The following AGPAT5 variants were observed in gnomAD, a reference collection of about 807,000 sequenced individuals.
AGPAT5 encodes 1-acylglycerol-3-phosphate O-acyltransferase 5.
In AGPAT5, 46 loss-of-function variants were observed where a neutral mutation model predicts 45.6. The ratio of observed to expected loss-of-function variants is 1.01; its 90% CI spans 0.80 to 1.29. AGPAT5 has a LOEUF of 1.29. Among genes scored for constraint, AGPAT5 ranks in the 50% most tolerant of loss-of-function variants. AGPAT5 has a pLI of 0.00. For missense variants in AGPAT5, 673 were observed against 450.7 expected (o/e 1.49, Z -4.47); for synonymous variants, 272 against 167.0 (o/e 1.63, Z -4.85).
chr8:6,718,896 T>C (rs558205222), intron 1 of AGPAT5, among the ~76,000 whole-genome samples: 1 of 152,314 alleles, frequency 6.6e-6, no homozygotes, highest in African/African-American at 2.4e-5. Flanking sequence ...GTTAATTACC[T>C]AAACACAGCA....
At chr8:6,727,154 T>G (rs1036668923) in intron 2 of AGPAT5, among the ~76,000 whole-genome samples, 1 of 152,176 alleles carries the variant, frequency 6.6e-6, no homozygotes, top group Admixed American at 6.5e-5. Context: ...CTGCTTAGAC[T>G]TTCTAGTTTG....
At chr8:6,726,044 G>C (rs1800676030) in intron 2 of AGPAT5, among the ~76,000 whole-genome samples, 1 of 152,198 alleles carries the variant, frequency 6.6e-6, no homozygotes, top group African/African-American at 2.4e-5. Flanking sequence ...GGGGTTGATA[G>C]GAATCTTGAT....
At position 6,758,202 on chromosome 8, in the gene AGPAT5, T is replaced by C. The variant is rs1304849087; in HGVS notation, c.*814T>C. 2 of 152,638 alleles carry C rather than the reference T, an allele frequency of 1.3e-5. No homozygotes were observed. Among genetic ancestry groups the C allele is most frequent in the Non-Finnish European group, 2.9e-5 (2 of 68,038 alleles). The allele number at this position is 152,638 out of a possible 1,614,324, so 9.5% of individuals were successfully genotyped here. A position where few individuals can be genotyped will look rare whatever the true frequency, so the allele number is the denominator to read the frequency against. ...CTTGAAAACGTTAAGGTTTTCTGTT[T>C]TGTTTTGTTTTTTTAATATCAAAAG... On this transcript the variant is annotated 3_prime_UTR_variant, in exon 8 of 8. Transcript: ENST00000285518.
chr8:6,744,230 A>G (rs1389811547), intron 5 of AGPAT5, among the ~76,000 whole-genome samples: 1 of 152,222 alleles, frequency 6.6e-6, no homozygotes, highest in East Asian at 1.9e-4. Context: ...ACTTGAACAA[A>G]TGTTTATTCT....
At chr8:6,712,397 A>G (rs1800183657) in intron 1 of AGPAT5, among the ~76,000 whole-genome samples, 1 of 152,040 alleles carries the variant, frequency 6.6e-6, no homozygotes, top group Non-Finnish European at 1.5e-5. Flanking sequence ...TATGGAAATA[A>G]CTGAAATCCT....
intron 3 of AGPAT5, among the ~76,000 whole-genome samples, chr8:6,731,846 G>A (rs1348420730): frequency 2.6e-5 from 4 of 152,058 alleles, no homozygotes; most frequent in African/African-American, 9.7e-5. Flanking sequence ...TTCTCCCAAG[G>A]CCTCTCTCCC....
At chr8:6,740,102 GTGAA>G (rs1249514202) in intron 4 of AGPAT5, among the ~76,000 whole-genome samples, 1 of 152,090 alleles carries the variant, frequency 6.6e-6, no homozygotes, top group Non-Finnish European at 1.5e-5. Flanking sequence ...TGAATTAGCT[GTGAA>G]TGAATTCATG....
intron 1 of AGPAT5, among the ~76,000 whole-genome samples, chr8:6,724,595 A>G (rs1010515864): frequency 1.3e-5 from 2 of 152,164 alleles, no homozygotes; most frequent in Admixed American, 6.5e-5. Flanking sequence ...AGTGTTTTAT[A>G]TATTGTTAGC....
chr8:6,741,167 G>C (rs986682148), intron 4 of AGPAT5, among the ~76,000 whole-genome samples: 1 of 152,096 alleles, frequency 6.6e-6, no homozygotes, highest in Non-Finnish European at 1.5e-5. Context: ...TAGGAATTCT[G>C]TGTGAAGCTT....
Position 6,757,515 on chromosome 8 carries a change from T to G in AGPAT5, c.*127T>G, listed in dbSNP as rs2116974072. ...AAAGCCTTGTTGATTGAAGATTGGATAATAGAATTTGTGACGAAAGCTGAT... is the reference window on the plus strand; with the variant it reads ...AAAGCCTTGTTGATTGAAGATTGGAGAATAGAATTTGTGACGAAAGCTGAT... On this transcript the variant is annotated 3_prime_UTR_variant, in exon 8 of 8. Transcript: ENST00000285518. The G allele has an allele frequency of 1.3e-6, 1 of 747,910 alleles. No individual in the cohort carries two copies. Among genetic ancestry groups the G allele is most frequent in the East Asian group, 2.7e-5 (1 of 37,534 alleles). The allele number at this position is 747,910 out of a possible 1,614,324, so 46.3% of individuals were successfully genotyped here.
intron 5 of AGPAT5, among the ~76,000 whole-genome samples, chr8:6,743,785 A>C (rs1459085665): frequency 1.3e-5 from 2 of 149,336 alleles, no homozygotes; most frequent in African/African-American, 4.9e-5. Flanking sequence ...TTTTTTTTTT[A>C]ATTGCCATGG....
At chr8:6,725,327 A>G (rs372483353) in intron 2 of AGPAT5, among the ~76,000 whole-genome samples, 67 of 152,326 alleles carry the variant, frequency 4.4e-4, no homozygotes, top group African/African-American at 1.4e-3. Context: ...CTGTATTGGT[A>G]TGTAAGTACT....
intron 5 of AGPAT5, among the ~76,000 whole-genome samples, chr8:6,743,641 G>A (rs1029811484): frequency 7.9e-5 from 12 of 152,148 alleles, no homozygotes; most frequent in African/African-American, 2.4e-4. Flanking sequence ...TCAGCTGTTC[G>A]AAGGGTTTTG....
chr8:6,719,627 T>C (rs1800438194), intron 1 of AGPAT5, among the ~76,000 whole-genome samples: 1 of 152,224 alleles, frequency 6.6e-6, no homozygotes, highest in Admixed American at 6.5e-5. Context: ...TCGGGAATCA[T>C]CACTATTACA....
intron 1 of AGPAT5, among the ~76,000 whole-genome samples, chr8:6,712,996 G>A (rs1015673466): frequency 6.6e-6 from 1 of 152,272 alleles, no homozygotes; most frequent in East Asian, 1.9e-4. Context: ...AATAGATTGG[G>A]GTTTGGGTTT....
chr8:6,731,299 T>G (rs959784085), intron 3 of AGPAT5, among the ~76,000 whole-genome samples: 1 of 152,212 alleles, frequency 6.6e-6, no homozygotes, highest in African/African-American at 2.4e-5. Flanking sequence ...ATACGTCTGA[T>G]TATCCATATG....
In AGPAT5 at chr8:6,747,760, A is replaced by T. The variant is rs1801525084; in HGVS notation, c.677A>T (p.Tyr226Phe). 1 of 1,614,110 alleles carries T rather than the reference A, an allele frequency of 6.2e-7. No homozygotes were observed. Among genetic ancestry groups the T allele is most frequent in the Non-Finnish European group, 8.5e-7 (1 of 1,180,036 alleles). Residue 226 changes from tyrosine to phenylalanine, a missense_variant, in exon 6 of 8, where the codon TAT becomes TTT. By Grantham distance (22) the Tyr-to-Phe change is conservative (BLOSUM62 3). Transcript: ENST00000285518. ...ATGAAGAATTATTTAGATGCAATTT[A>T]TGATGTTACGGTGGTTTATGAAGGG... ...DCMKNYLDAI[Y>F]DVTVVYEGKD...
At chr8:6,712,945 T>C (rs767001622) in intron 1 of AGPAT5, among the ~76,000 whole-genome samples, 1 of 152,186 alleles carries the variant, frequency 6.6e-6, no homozygotes, top group Non-Finnish European at 1.5e-5. Context: ...CACTGAAAAC[T>C]GATCATTGAA....
chr8:6,758,740 T>C lies in AGPAT5; in HGVS notation c.*1352T>C. The C allele has an allele frequency of 6.5e-6, 1 of 152,782 alleles. No individual in the cohort carries two copies. The allele number at this position is 152,782 out of a possible 1,614,324, so 9.5% of individuals were successfully genotyped here. ...ATCACGATTTTTAGCCATGGAACAATATATCCCATGGGAGAAGACCTTTCA... is the reference window on the plus strand; with the variant it reads ...ATCACGATTTTTAGCCATGGAACAACATATCCCATGGGAGAAGACCTTTCA... On this transcript the variant is annotated 3_prime_UTR_variant, in exon 8 of 8. Coordinates refer to ENST00000285518, the MANE Select transcript of AGPAT5 (RefSeq NM_018361.5).
Sources: allele counts gnomAD v4.1 joint callset (sites outside exome capture counted in the v4.1 genomes callset), GRCh38; gene constraint gnomAD v4.1.1; transcripts MANE v1.5; gene names NCBI Gene and HGNC (gene_info 2026-07-23, HGNC 2026-07-21).